Variants in PTPRD observed in about 807,000 individuals in gnomAD.
PTPRD encodes the protein protein tyrosine phosphatase receptor type D.
In PTPRD, 34 loss-of-function variants were observed where a neutral mutation model predicts 214.5. The ratio of observed to expected loss-of-function variants is 0.16; its 90% CI spans 0.12 to 0.21. PTPRD has a LOEUF of 0.21. PTPRD is among the 10% of genes least tolerant of loss of function. The pLI is 1.00. For synonymous variants in PTPRD, 1,128 were observed against 845.7 expected, an observed-to-expected ratio of 1.33 and a Z score of -5.79; for missense variants, 2,545 against 2,398.7, an observed-to-expected ratio of 1.06 and a Z score of -1.27.
chr9:10,201,827 A>G (rs1254129713), intron 3 of PTPRD, among the ~76,000 whole-genome samples: 2 of 152,146 alleles, frequency 1.3e-5, no homozygotes, highest in African/African-American at 2.4e-5. Flanking sequence ...CATTGAAAAT[A>G]CATCAAAATC....
At chr9:8,752,161 C>T (rs2093600170) in intron 11 of PTPRD, among the ~76,000 whole-genome samples, 1 of 152,156 alleles carries the variant, frequency 6.6e-6, no homozygotes. Context: ...GCTGCATTCT[C>T]AGACGGTTAG....
At chr9:8,536,253 C>T (rs2076907976) in intron 14 of PTPRD, among the ~76,000 whole-genome samples, 1 of 151,850 alleles carries the variant, frequency 6.6e-6, no homozygotes, top group South Asian at 2.1e-4. Context: ...TAATCACAGT[C>T]AACTCATGAA....
intron 8 of PTPRD, among the ~76,000 whole-genome samples, chr9:9,476,917 T>C (rs868652867): frequency 6.6e-6 from 1 of 151,810 alleles, no homozygotes; most frequent in Non-Finnish European, 1.5e-5. Flanking sequence ...GTATTTTCAG[T>C]AGGGACGGGG....
chr9:9,386,184 C>T (rs941296269), intron 9 of PTPRD, among the ~76,000 whole-genome samples: 1 of 152,124 alleles, frequency 6.6e-6, no homozygotes, highest in African/African-American at 2.4e-5. Context: ...TTTCCAATGA[C>T]ATGCATCTTC....
At chr9:9,803,725 C>T (rs2153517731) in intron 5 of PTPRD, 1 of 151,886 alleles carries the variant, frequency 6.6e-6, no homozygotes, top group East Asian at 1.9e-4. Context: ...AGGAAAGAAA[C>T]TGGTTTTCCT....
chr9:10,289,870 C>T lies in PTPRD; in HGVS notation c.-545+51093G>A, dbSNP rs781515153. Among the ~76,000 whole-genome samples the T allele has an allele frequency of 8.7e-4, 133 of 152,092 alleles. 1 individual carries two copies. The highest frequency in any genetic ancestry group is 2.5e-4 in the Non-Finnish European group (17 of 68,012). ...ATGGAAAGAGAGGTACAGATAGAAT[C>T]TTAAGCAGTGTTCAGAGAAAAACAG... On this transcript the variant is annotated intron_variant, in intron 3 of 45. Coordinates refer to ENST00000381196, the MANE Select transcript of PTPRD (RefSeq NM_002839.4).
chr9:10,069,386 C>A (rs563203813), intron 3 of PTPRD, among the ~76,000 whole-genome samples: 12 of 151,966 alleles, frequency 7.9e-5, no homozygotes, highest in Non-Finnish European at 1.6e-4. Flanking sequence ...AACATTAGCC[C>A]CTTGCTGGTT....
chr9:9,944,768 C>T (rs937869464), intron 4 of PTPRD, among the ~76,000 whole-genome samples: 1 of 151,794 alleles, frequency 6.6e-6, no homozygotes, highest in African/African-American at 2.4e-5. Context: ...TGAGGAGACA[C>T]ATAATCTAAA....
intron 14 of PTPRD, among the ~76,000 whole-genome samples, chr9:8,552,878 C>T (rs2082523191): frequency 6.6e-6 from 1 of 152,134 alleles, no homozygotes; most frequent in African/African-American, 2.4e-5. Context: ...GTGAGCCCCA[C>T]GACTGCCGCT....
At position 8,749,394 on chromosome 9, in the gene PTPRD, G is replaced by C. The variant is rs189292387; in HGVS notation, c.-103-15448C>G. 5.5e-3 allele frequency among the ~76,000 whole-genome samples: 842 copies of C among 152,254 alleles called. 2 individuals are homozygous for C. Among genetic ancestry groups the C allele is most frequent in the Non-Finnish European group, 8.2e-3 (557 of 68,024 alleles). ...GTAGAGACGGGGTTTCACCACATTG[G>C]CCAGGCTGGTCTCAAACTCCTGGCC... On this transcript the variant is annotated intron_variant, in intron 11 of 45. Transcript: ENST00000381196.
Position 8,649,780 on chromosome 9 carries a change from T to C in PTPRD, c.65-12936A>G, listed in dbSNP as rs116221452. On this transcript the variant is annotated intron_variant, in intron 12 of 45. Transcript: ENST00000381196. Reference sequence around the variant, plus strand: ...ATACATATTTCCTAAGGAAAGTCTATAATTAATATTAACTTCTAAATATTA... The same window carrying C: ...ATACATATTTCCTAAGGAAAGTCTACAATTAATATTAACTTCTAAATATTA... Among the ~76,000 whole-genome samples the C allele has an allele frequency of 5.3e-3, 812 of 152,348 alleles. 15 individuals carry two copies. Among genetic ancestry groups the C allele is most frequent in the African/African-American group, 0.019 (784 of 41,580 alleles).
intron 14 of PTPRD, among the ~76,000 whole-genome samples, chr9:8,562,279 T>C (rs889959065): frequency 2.6e-5 from 4 of 152,150 alleles, no homozygotes; most frequent in African/African-American, 9.7e-5. Flanking sequence ...CTTAGTTTCA[T>C]AAAACTTTAA....
chr9:10,345,346 C>T (rs1044379791), intron 2 of PTPRD, among the ~76,000 whole-genome samples: 1 of 151,828 alleles, frequency 6.6e-6, no homozygotes, highest in Non-Finnish European at 1.5e-5. Context: ...ATACACATGC[C>T]ATCGTGGTTT....
intron 5 of PTPRD, among the ~76,000 whole-genome samples, chr9:9,840,402 A>G (rs141801069): frequency 0.01 from 1,559 of 152,182 alleles, 11 homozygotes; most frequent in Non-Finnish European, 0.016. Flanking sequence ...CCAGTTGTTG[A>G]AACATTATCC....
intron 3 of PTPRD, among the ~76,000 whole-genome samples, chr9:10,154,022 A>G (rs1429945264): frequency 6.6e-6 from 1 of 152,022 alleles, no homozygotes; most frequent in African/African-American, 2.4e-5. Context: ...GCTGGGTGGA[A>G]TGGTAGTTCT....
intron 5 of PTPRD, among the ~76,000 whole-genome samples, chr9:9,899,868 GA>G (rs1297679712): frequency 1.3e-5 from 2 of 151,870 alleles, no homozygotes; most frequent in East Asian, 1.9e-4. Context: ...TCTTAAGAAA[GA>G]AAAAAATCCA....
chr9:8,812,986 C>T (rs867151020), intron 11 of PTPRD, among the ~76,000 whole-genome samples: 6 of 152,014 alleles, frequency 3.9e-5, no homozygotes, highest in African/African-American at 9.7e-5. Flanking sequence ...TTTTACAAAG[C>T]TTTTGCTTCC....
At chr9:9,038,974 C>T (rs1442648322) in intron 10 of PTPRD, among the ~76,000 whole-genome samples, 3 of 152,016 alleles carry the variant, frequency 2.0e-5, no homozygotes, top group Admixed American at 1.3e-4. Flanking sequence ...ATGAGTATTA[C>T]TTGTAAATAG....
At position 9,787,658 on chromosome 9, in the gene PTPRD, G is replaced by C. The variant is rs1372539635; in HGVS notation, c.-367-20807C>G. ...ACCCAATAAGGTGGATAAAGGAAAA[G>C]AGGATAAAATAATGCTACTACAAAA... On this transcript the variant is annotated intron_variant, in intron 5 of 45. Transcript: ENST00000381196. 4.6e-5 allele frequency among the ~76,000 whole-genome samples: 7 copies of C among 151,962 alleles called. 1 individual carries two copies. Among genetic ancestry groups the C allele is most frequent in the Non-Finnish European group, 8.8e-5 (6 of 67,966 alleles).
Sources: allele counts gnomAD v4.1 joint callset (sites outside exome capture counted in the v4.1 genomes callset), GRCh38; gene constraint gnomAD v4.1.1; transcripts MANE v1.5; gene names NCBI Gene and HGNC (gene_info 2026-07-23, HGNC 2026-07-21).